Variants in NHS observed in about 807,000 individuals in gnomAD.
NHS encodes NHS actin remodeling regulator, also known as actin remodeling regulator NHS.
In NHS, 5 loss-of-function variants were observed where a neutral mutation model predicts 72.5. That is an observed-to-expected ratio of 0.07 (90% CI 0.04 to 0.14). The LOEUF is 0.14. Ranked by LOEUF, NHS falls within the 10% of genes least tolerant of loss-of-function variation. NHS has a pLI of 1.00. For synonymous variants in NHS, 464 were observed against 547.7 expected, an observed-to-expected ratio of 0.85 and a Z score of 2.13; for missense variants, 1,072 against 1,355.7, an observed-to-expected ratio of 0.79 and a Z score of 3.29.
intron 1 of NHS, among the ~76,000 whole-genome samples, chrX:17,576,148 A>T (rs1457081845): frequency 9.0e-6 from 1 of 111,380 alleles, no homozygotes; most frequent in Non-Finnish European, 1.9e-5. Context: ...AGAATACCTA[A>T]TATGTTATTC....
intron 1 of NHS, among the ~76,000 whole-genome samples, chrX:17,501,752 A>C (rs747945681): frequency 1.9e-4 from 21 of 112,290 alleles, no homozygotes; most frequent in African/African-American, 6.1e-4. Flanking sequence ...AAACAAAAAG[A>C]TGTGTGGGCT....
At chrX:17,674,417 C>T (rs1041267539) in intron 1 of NHS, among the ~76,000 whole-genome samples, 2 of 112,420 alleles carry the variant, frequency 1.8e-5, no homozygotes, top group East Asian at 2.8e-4. Context: ...AGAGTTGTAA[C>T]GTTGAACCAC....
intron 3 of NHS, among the ~76,000 whole-genome samples, chrX:17,704,692 A>G (rs1365280974): frequency 8.9e-6 from 1 of 111,896 alleles, no homozygotes; most frequent in Non-Finnish European, 1.9e-5. Context: ...CATTCTTCTG[A>G]GAGAAGTGTT....
intron 1 of NHS, among the ~76,000 whole-genome samples, chrX:17,675,765 A>G (rs1383527423): frequency 8.9e-6 from 1 of 112,362 alleles, no homozygotes; most frequent in Non-Finnish European, 1.9e-5. Context: ...CACATAACTC[A>G]TTACAAATAC....
intron 1 of NHS, among the ~76,000 whole-genome samples, chrX:17,544,066 A>G (rs1188086595): frequency 8.9e-6 from 1 of 112,688 alleles, no homozygotes; most frequent in Non-Finnish European, 1.9e-5. Context: ...GTCTGTCCAT[A>G]GCCTATAACA....
chrX:17,431,530 G>A (rs1449769410), intron 1 of NHS, among the ~76,000 whole-genome samples: 1 of 111,477 alleles, frequency 9.0e-6, no homozygotes, highest in East Asian at 2.8e-4. Context: ...GTGATTGAAG[G>A]GGTATGCTTT....
chrX:17,465,192 G>A (rs936819603), intron 1 of NHS, among the ~76,000 whole-genome samples: 9 of 111,518 alleles, frequency 8.1e-5, no homozygotes, highest in African/African-American at 2.9e-4. Flanking sequence ...GGTGTCTGGG[G>A]TGCTGAGTTT....
chrX:17,632,433 C>T (rs188487648), intron 1 of NHS, among the ~76,000 whole-genome samples: 527 of 108,369 alleles, frequency 4.9e-3, no homozygotes, highest in Admixed American at 8.4e-3. Flanking sequence ...TCTTGGTGTG[C>T]CTTTTACCAC....
intron 1 of NHS, among the ~76,000 whole-genome samples, chrX:17,390,572 C>T (rs1449026790): frequency 9.0e-6 from 1 of 111,422 alleles, no homozygotes; most frequent in Non-Finnish European, 1.9e-5. Flanking sequence ...TCAAAGTTTG[C>T]GGCAATGTGG....
In NHS at chrX:17,462,769, T is replaced by C. The variant is rs140984443; in HGVS notation, c.565+86447T>C. On this transcript the variant is annotated intron_variant, in intron 1 of 8. Coordinates refer to ENST00000676302, the MANE Select transcript of NHS (RefSeq NM_001291867.2). ...CAGGTCTGAAGGGTCAACTGTCTTA[T>C]CTAATTCACGGCATCGTTTCACTTA... Among the ~76,000 whole-genome samples the C allele has an allele frequency of 1.2e-4, 13 of 111,850 alleles. No individual in the cohort carries two copies. In the East Asian group the frequency reaches 2.8e-3, roughly 24 times the overall value.
At chrX:17,378,471 T>C (rs1001254435) in intron 1 of NHS, among the ~76,000 whole-genome samples, 4 of 112,248 alleles carry the variant, frequency 3.6e-5, no homozygotes, top group African/African-American at 1.3e-4. Context: ...ATGGCATTGT[T>C]TTTGTTTGAT....
chrX:17,644,424 T>C (rs1479984327), intron 1 of NHS, among the ~76,000 whole-genome samples: 1 of 112,257 alleles, frequency 8.9e-6, no homozygotes, highest in East Asian at 2.8e-4. Flanking sequence ...TTATGACCTA[T>C]TTTACCTGGC....
In NHS at chrX:17,417,091, T is replaced by TACACACACAC. The variant is rs753132773; in HGVS notation, c.565+40789_565+40798dup. On this transcript the variant is annotated intron_variant, in intron 1 of 8. Coordinates refer to ENST00000676302, the MANE Select transcript of NHS (RefSeq NM_001291867.2). ...TCTGTGTGAATTTAAGAAAACAGAATACACACACACACACACACACACACA... is the reference window on the plus strand; with the variant it reads ...TCTGTGTGAATTTAAGAAAACAGAATACACACACACACACACACACACACACACACACACA... Among the ~76,000 whole-genome samples the TACACACACAC allele has an allele frequency of 8.6e-3, 845 of 98,015 alleles. 11 individuals carry two copies. Among genetic ancestry groups the TACACACACAC allele is most frequent in the African/African-American group, 0.029 (793 of 27,355 alleles). The allele number at this position is 98,015 out of a possible 115,157, so 85.1% of individuals were successfully genotyped here.
intron 1 of NHS, among the ~76,000 whole-genome samples, chrX:17,591,356 G>C (rs756751055): frequency 1.8e-5 from 2 of 111,261 alleles, no homozygotes; most frequent in South Asian, 3.8e-4. Flanking sequence ...GTGGCCAAAG[G>C]GTGTCAACGC....
intron 1 of NHS, among the ~76,000 whole-genome samples, chrX:17,383,549 G>C (rs1229516034): frequency 8.9e-6 from 1 of 112,230 alleles, no homozygotes; most frequent in Non-Finnish European, 1.9e-5. Context: ...AAAAGGAAAA[G>C]GGAAAGCAAG....
At chrX:17,419,171 G>A (rs2064610980) in intron 1 of NHS, among the ~76,000 whole-genome samples, 1 of 112,586 alleles carries the variant, frequency 8.9e-6, no homozygotes, top group Non-Finnish European at 1.9e-5. Flanking sequence ...TTGGTATGGA[G>A]CCTGGAAATC....
At chrX:17,603,323 G>A (rs902959407) in intron 1 of NHS, among the ~76,000 whole-genome samples, 6 of 112,000 alleles carry the variant, frequency 5.4e-5, no homozygotes, top group African/African-American at 6.5e-5. Context: ...ATTTAGCAAC[G>A]GTGATTTTAG....
chrX:17,528,082 T>C (rs2065181436), intron 1 of NHS, among the ~76,000 whole-genome samples: 1 of 112,022 alleles, frequency 8.9e-6, no homozygotes, highest in Admixed American at 9.4e-5. Flanking sequence ...GTGGCTTTTG[T>C]CTAGGGCAGT....
chrX:17,488,433 C>T (rs1423764181), intron 1 of NHS, among the ~76,000 whole-genome samples: 1 of 110,952 alleles, frequency 9.0e-6, no homozygotes, highest in Non-Finnish European at 1.9e-5. Flanking sequence ...GGAGAGGCCT[C>T]CTGTGGGGTT....
Sources: allele counts gnomAD v4.1 joint callset (sites outside exome capture counted in the v4.1 genomes callset), GRCh38; gene constraint gnomAD v4.1.1; transcripts MANE v1.5; gene names NCBI Gene and HGNC (gene_info 2026-07-23, HGNC 2026-07-21).